The following PMM2 variants were observed in gnomAD, a reference collection of about 807,000 sequenced individuals.
PMM2 encodes mannose-6-phosphate isomerase.
Under a neutral mutation model 33.2 loss-of-function variants are expected in PMM2, and 35 were observed. The observed-to-expected ratio is 1.06, with a 90% CI of 0.81 to 1.40. PMM2 has a LOEUF of 1.40. PMM2 is among the 40% of genes most tolerant of loss of function. The probability of loss-of-function intolerance (pLI) is 0.00; values close to 1 mark genes in which losing one functional copy is unlikely to be tolerated. For missense variants in PMM2, 386 were observed against 306.0 expected, an observed-to-expected ratio of 1.26 and a Z score of -1.95; for synonymous variants, 153 against 114.7, an observed-to-expected ratio of 1.33 and a Z score of -2.13.
intron 7 of PMM2, chr16:8,832,998 G>A (rs554517769): frequency 2.7e-5 from 15 of 550,448 alleles, no homozygotes; most frequent in East Asian, 3.0e-4. Flanking sequence ...TTTGGTTTGC[G>A]CCGTATCCCC....
At chr16:8,834,187 T>C (rs1407197545) in intron 7 of PMM2, among the ~76,000 whole-genome samples, 3 of 152,180 alleles carry the variant, frequency 2.0e-5, no homozygotes, top group Non-Finnish European at 4.4e-5. Flanking sequence ...GTAAAAGTAT[T>C]GTCCAGTCCT....
At chr16:8,844,951 C>T (rs939621566) in intron 7 of PMM2, among the ~76,000 whole-genome samples, 11 of 152,312 alleles carry the variant, frequency 7.2e-5, no homozygotes, top group Admixed American at 5.9e-4. Context: ...GTGGATCTTT[C>T]TCATGGAGCA....
At chr16:8,838,156 G>C (rs2060864131) in intron 7 of PMM2, among the ~76,000 whole-genome samples, 1 of 152,076 alleles carries the variant, frequency 6.6e-6, no homozygotes, top group African/African-American at 2.4e-5. Context: ...GTGGGCAGGA[G>C]TGGATCTCAC....
chr16:8,843,472 G>A (rs1392461334), intron 7 of PMM2, among the ~76,000 whole-genome samples: 1 of 151,370 alleles, frequency 6.6e-6, no homozygotes, highest in African/African-American at 2.4e-5. Context: ...GCACAGATGG[G>A]ACACGGCTTA....
Position 8,843,028 on chromosome 16 carries a change from C to T in PMM2, c.640-4696C>T, listed in dbSNP as rs111509392. Reference sequence around the variant, plus strand: ...GATGCGGCTGTAGTCCAGGAATAGTCAGGGAAGCAGATAATTTGCTTAAAA... The same window carrying T: ...GATGCGGCTGTAGTCCAGGAATAGTTAGGGAAGCAGATAATTTGCTTAAAA... On this transcript the variant is annotated intron_variant, in intron 7 of 7. Transcript: ENST00000268261. Among the ~76,000 whole-genome samples the T allele has an allele frequency of 2.4e-3, 362 of 152,172 alleles. 2 individuals carry two copies. The highest frequency in any genetic ancestry group is 8.2e-3 in the African/African-American group (341 of 41,506).
intron 7 of PMM2, among the ~76,000 whole-genome samples, chr16:8,827,844 A>G (rs1355498429): frequency 1.4e-5 from 1 of 69,252 alleles, no homozygotes; most frequent in Non-Finnish European, 2.9e-5. Context: ...ATTGTATAAT[A>G]TATAATATAT....
At chr16:8,814,007 C>T (rs553743336) in intron 7 of PMM2, among the ~76,000 whole-genome samples, 199 of 151,974 alleles carry the variant, frequency 1.3e-3, no homozygotes, top group African/African-American at 4.4e-3. Context: ...CCTGATATTA[C>T]GGGCATGCAC....
At chr16:8,801,038 A>G (rs748886829) in intron 1 of PMM2, among the ~76,000 whole-genome samples, 28 of 152,310 alleles carry the variant, frequency 1.8e-4, no homozygotes, top group Non-Finnish European at 3.5e-4. Flanking sequence ...AACAACTTAA[A>G]TCCATAAATG....
rs549844432 is a variant in PMM2 at position 8,833,782 on chromosome 16, T to A, written c.640-13942T>A. ...GAAGGAGAAAAACAGGTATAAAAGG[T>A]CTAAGAATTGGGAGGACCTATGACA... On this transcript the variant is annotated intron_variant, in intron 7 of 7. Coordinates refer to ENST00000268261, the MANE Select transcript of PMM2 (RefSeq NM_000303.3). 5.3e-5 allele frequency among the ~76,000 whole-genome samples: 8 copies of A among 151,954 alleles called. No individual in the cohort carries two copies. The East Asian group carries it at 1.6e-3, about 29-fold the overall frequency.
chr16:8,814,462 C>T (rs568126033), intron 7 of PMM2, among the ~76,000 whole-genome samples: 2 of 152,294 alleles, frequency 1.3e-5, no homozygotes, highest in South Asian at 4.1e-4. Flanking sequence ...GATCTCTGGT[C>T]CACTCCAAAA....
rs1177956061 is a variant in PMM2 at position 8,827,818 on chromosome 16, AAT to A, written c.639+14719_639+14720del. Reference sequence around the variant, plus strand: ...TTTATACATATTTATATATTTATATAATATATATTATATATATTGTATAATAT... The same window carrying A: ...TTTATACATATTTATATATTTATATAATATATTATATATATTGTATAATAT... On this transcript the variant is annotated intron_variant, in intron 7 of 7. Transcript: ENST00000268261. Among the ~76,000 whole-genome samples, 11 of 105,106 alleles carry A rather than the reference AAT, an allele frequency of 1.0e-4. No homozygotes were observed. In the East Asian group the frequency reaches 2.6e-3, roughly 25 times the overall value. The allele number at this position is 105,106 out of a possible 152,430, so 69.0% of individuals were successfully genotyped here.
chr16:8,838,630 A>G (rs1276968091), intron 7 of PMM2, among the ~76,000 whole-genome samples: 1 of 151,948 alleles, frequency 6.6e-6, no homozygotes, highest in Non-Finnish European at 1.5e-5. Context: ...GTTGTATAGA[A>G]TGATTGGTGA....
At chr16:8,827,930 AATAT>A (rs1385255114) in intron 7 of PMM2, among the ~76,000 whole-genome samples, 4 of 53,456 alleles carry the variant, frequency 7.5e-5, no homozygotes, top group South Asian at 8.1e-4. Context: ...TTTTATATAT[AATAT>A]ATATTTATAA....
intron 7 of PMM2, among the ~76,000 whole-genome samples, chr16:8,846,565 G>T (rs11645498): frequency 0.63 from 95,017 of 151,860 alleles, 30,452 homozygotes; most frequent in Middle Eastern, 0.71. Flanking sequence ...GGACACAGAT[G>T]GGAGCACTCA....
chr16:8,831,887 T>G (rs2060811880), intron 7 of PMM2, among the ~76,000 whole-genome samples: 1 of 152,230 alleles, frequency 6.6e-6, no homozygotes, highest in Non-Finnish European at 1.5e-5. Context: ...AGGTACACTA[T>G]AATGAGAAAT....
intron 7 of PMM2, among the ~76,000 whole-genome samples, chr16:8,819,746 G>GGGA (rs917789831): frequency 1.3e-5 from 2 of 150,364 alleles, no homozygotes; most frequent in African/African-American, 2.4e-5. Context: ...ATTGAAAAAA[G>GGGA]GGAGGAAATG....
At chr16:8,801,735 A>G in intron 1 of PMM2, 64 bp from the exon 2 acceptor site, 1 of 1,006,222 alleles carries the variant, frequency 9.9e-7, no homozygotes. Context: ...TGTTACCCTT[A>G]GAGTTTTGGT....
intron 7 of PMM2, among the ~76,000 whole-genome samples, chr16:8,839,824 C>T (rs1044099208): frequency 4.0e-5 from 6 of 150,918 alleles, no homozygotes; most frequent in Admixed American, 1.3e-4. Context: ...CATATAGGAG[C>T]GGCCACAGGC....
chr16:8,832,810 G>T, intron 7 of PMM2: 1 of 985,396 alleles, frequency 1.0e-6, no homozygotes, highest in Non-Finnish European at 1.2e-6. Context: ...CCCAGCCCCT[G>T]CCCATCCTCC....
Sources: gnomAD v4.1 joint callset for allele counts (sites outside exome capture counted in the v4.1 genomes callset) on GRCh38, gnomAD v4.1.1 for gene constraint, MANE v1.5 for transcripts, NCBI Gene and HGNC (gene_info 2026-07-23, HGNC 2026-07-21) for gene names.